CNTNAP2: variants seen among roughly 807,000 people sequenced by gnomAD.
CNTNAP2 encodes contactin associated protein 2, also known as contactin-associated protein-like 2.
CNTNAP2 carries 98 observed loss-of-function variants against 155.2 expected under a neutral mutation model. The ratio of observed to expected loss-of-function variants is 0.63; its 90% CI spans 0.54 to 0.75. The LOEUF is 0.75. Among genes scored for constraint, CNTNAP2 ranks in the 30% least tolerant of loss-of-function variants. The pLI is 0.00. For missense variants in CNTNAP2, 1,727 were observed against 1,688.1 expected (o/e 1.02, Z -0.40); for synonymous variants, 651 against 631.2 (o/e 1.03, Z -0.47).
chr7:147,721,430 T>G (rs1796564748), intron 13 of CNTNAP2, among the ~76,000 whole-genome samples: 1 of 152,106 alleles, frequency 6.6e-6, no homozygotes, highest in Non-Finnish European at 1.5e-5. Flanking sequence ...TCTATAAATC[T>G]AAGCAATGTC....
rs371307316 is a variant in CNTNAP2 at position 147,835,275 on chromosome 7, G to T, written c.2099-68290G>T. Among the ~76,000 whole-genome samples, 49 of 152,344 alleles carry T rather than the reference G, an allele frequency of 3.2e-4. 1 individual carries two copies. The highest frequency in any genetic ancestry group is 1.0e-3 in the African/African-American group (42 of 41,582). The stretch of plus-strand genomic sequence containing the variant: ...CGTCAGCATGGTCAAGAAAAAGTGA[G>T]CAGAGCCATGAATCGAGTGATGAAG... On this transcript the variant is annotated intron_variant, in intron 13 of 23. Transcript: ENST00000361727.
intron 3 of CNTNAP2, among the ~76,000 whole-genome samples, chr7:146,934,743 A>T (rs868249390): frequency 1.3e-5 from 2 of 152,170 alleles, no homozygotes; most frequent in African/African-American, 4.8e-5. Flanking sequence ...CTGAATCATG[A>T]CCAAGTCAAG....
intron 11 of CNTNAP2, among the ~76,000 whole-genome samples, chr7:147,524,450 C>A (rs1297825509): frequency 1.3e-5 from 2 of 152,192 alleles, no homozygotes; most frequent in African/African-American, 4.8e-5. Context: ...AGGTCCCCAA[C>A]ATTCACAGAA....
At chr7:146,592,100 A>C (rs1798791599) in intron 1 of CNTNAP2, among the ~76,000 whole-genome samples, 1 of 152,118 alleles carries the variant, frequency 6.6e-6, no homozygotes, top group East Asian at 1.9e-4. Context: ...TGCCAATCCA[A>C]ATCCGGCTGT....
chr7:147,109,679 T>G (rs1465217857), intron 5 of CNTNAP2, among the ~76,000 whole-genome samples: 3 of 152,066 alleles, frequency 2.0e-5, no homozygotes, highest in African/African-American at 7.2e-5. Flanking sequence ...CTTAACAACA[T>G]GGAGGTTACT....
chr7:147,618,347 C>A (rs1360966937), intron 12 of CNTNAP2, among the ~76,000 whole-genome samples: 1 of 152,058 alleles, frequency 6.6e-6, no homozygotes, highest in African/African-American at 2.4e-5. Flanking sequence ...TTTATATATA[C>A]ATTTTAATTT....
At chr7:148,411,855 G>A (rs1016072362) in intron 23 of CNTNAP2, among the ~76,000 whole-genome samples, 17 of 77,118 alleles carry the variant, frequency 2.2e-4, no homozygotes, top group African/African-American at 6.5e-4. Context: ...TGACATATGT[G>A]TGTGTGTGTG....
intron 13 of CNTNAP2, among the ~76,000 whole-genome samples, chr7:147,787,782 A>C (rs1037060806): frequency 1.3e-5 from 2 of 152,220 alleles, no homozygotes; most frequent in African/African-American, 2.4e-5. Context: ...CAATAATGAG[A>C]GCTAGTAATC....
intron 11 of CNTNAP2, among the ~76,000 whole-genome samples, chr7:147,504,782 A>G (rs926074089): frequency 6.6e-6 from 1 of 150,858 alleles, no homozygotes; most frequent in South Asian, 2.1e-4. Flanking sequence ...TTATATCGAG[A>G]TTGTATTTTT....
At chr7:146,503,441 T>G (rs1377886351) in intron 1 of CNTNAP2, among the ~76,000 whole-genome samples, 1 of 152,214 alleles carries the variant, frequency 6.6e-6, no homozygotes, top group Non-Finnish European at 1.5e-5. Flanking sequence ...ATTCAATGTG[T>G]GGCCCAAGGT....
chr7:148,202,766 A>C (rs1056489423), intron 18 of CNTNAP2, among the ~76,000 whole-genome samples: 1 of 152,220 alleles, frequency 6.6e-6, no homozygotes, highest in African/African-American at 2.4e-5. Context: ...TCCCCAGATA[A>C]ATTACACACA....
intron 13 of CNTNAP2, among the ~76,000 whole-genome samples, chr7:147,754,760 G>A (rs1797191474): frequency 6.6e-6 from 1 of 151,954 alleles, no homozygotes; most frequent in African/African-American, 2.4e-5. Context: ...AAGTTTTATT[G>A]AAGGTATCCC....
chr7:146,629,430 A>G (rs1010593750), intron 1 of CNTNAP2, among the ~76,000 whole-genome samples: 1 of 152,194 alleles, frequency 6.6e-6, no homozygotes, highest in Non-Finnish European at 1.5e-5. Context: ...AACTTTATCA[A>G]AAATATATCA....
At chr7:147,061,102 G>C (rs1296632404) in intron 4 of CNTNAP2, among the ~76,000 whole-genome samples, 5 of 137,542 alleles carry the variant, frequency 3.6e-5, no homozygotes, top group Non-Finnish European at 7.5e-5. Context: ...AGAGTTGAGC[G>C]GTGGGTGCCA....
chr7:147,079,609 T>G (rs973903899), intron 4 of CNTNAP2, among the ~76,000 whole-genome samples: 1 of 143,714 alleles, frequency 7.0e-6, no homozygotes, highest in Non-Finnish European at 1.6e-5. Flanking sequence ...ATAATAATGA[T>G]AATAATAATA....
intron 11 of CNTNAP2, among the ~76,000 whole-genome samples, chr7:147,538,909 GA>G (rs1182424363): frequency 6.6e-6 from 1 of 151,930 alleles, no homozygotes; most frequent in Non-Finnish European, 1.5e-5. Flanking sequence ...CTCAATGTAA[GA>G]AAAAAATTTT....
chr7:146,416,321 A>G lies in CNTNAP2; in HGVS notation c.97+299348A>G, dbSNP rs185037861. Among the ~76,000 whole-genome samples the G allele has an allele frequency of 2.8e-3, 425 of 151,606 alleles. 1 individual carries two copies. In the Middle Eastern group the frequency reaches 0.059, roughly 21 times the overall value. ...ATAATATAAAATGCTAAGAATATAAATGTTAAGGACGTACATCCACATTTT... is the reference window on the plus strand; with the variant it reads ...ATAATATAAAATGCTAAGAATATAAGTGTTAAGGACGTACATCCACATTTT... On this transcript the variant is annotated intron_variant, in intron 1 of 23. Transcript: ENST00000361727.
At chr7:147,894,849 T>C (rs1799750452) in intron 13 of CNTNAP2, among the ~76,000 whole-genome samples, 1 of 151,886 alleles carries the variant, frequency 6.6e-6, no homozygotes, top group Admixed American at 6.6e-5. Context: ...CTCATTTTCA[T>C]CAAGCAGTCC....
intron 8 of CNTNAP2, among the ~76,000 whole-genome samples, chr7:147,181,468 T>C (rs1044591736): frequency 9.2e-5 from 14 of 152,244 alleles, no homozygotes; most frequent in Non-Finnish European, 1.8e-4. Context: ...ATGTAAATGT[T>C]TATATACTTT....
Sources: gnomAD v4.1 joint callset for allele counts (sites outside exome capture counted in the v4.1 genomes callset) on GRCh38, gnomAD v4.1.1 for gene constraint, MANE v1.5 for transcripts, NCBI Gene and HGNC (gene_info 2026-07-23, HGNC 2026-07-21) for gene names.